The following QKI variants were observed in gnomAD, a reference collection of about 807,000 sequenced individuals.
QKI encodes QKI, KH domain containing RNA binding.
QKI carries 10 observed loss-of-function variants against 39.0 expected under a neutral mutation model. The ratio of observed to expected loss-of-function variants is 0.26; its 90% confidence interval spans 0.16 to 0.43. QKI has a LOEUF of 0.43. Ranked by LOEUF, QKI falls within the 20% of genes least tolerant of loss-of-function variation. The pLI is 1.00. For missense variants in QKI, 218 were observed against 428.0 expected, an observed-to-expected ratio of 0.51 and a Z score of 4.33; for synonymous variants, 204 against 155.4, an observed-to-expected ratio of 1.31 and a Z score of -2.33.
At chr6:163,510,627 A>G (rs1779389802) in intron 3 of QKI, among the ~76,000 whole-genome samples, 1 of 152,178 alleles carries the variant, frequency 6.6e-6, no homozygotes, top group Non-Finnish European at 1.5e-5. Flanking sequence ...ATAGATTGAA[A>G]AGCATATTTT....
chr6:163,508,212 AAT>A (rs1779216320), intron 3 of QKI, among the ~76,000 whole-genome samples: 1 of 152,094 alleles, frequency 6.6e-6, no homozygotes, highest in Non-Finnish European at 1.5e-5. Context: ...ACTGAAAAAA[AAT>A]ACTTGAAGAA....
At chr6:163,513,477 TA>T (rs1314501578) in intron 3 of QKI, among the ~76,000 whole-genome samples, 1 of 152,190 alleles carries the variant, frequency 6.6e-6, no homozygotes, top group Non-Finnish European at 1.5e-5. Flanking sequence ...TTTCTAAACT[TA>T]TTTCGTCCTG....
intron 3 of QKI, among the ~76,000 whole-genome samples, chr6:163,512,224 T>C (rs1779528087): frequency 6.6e-6 from 1 of 152,106 alleles, no homozygotes. Flanking sequence ...AAAGACATAG[T>C]AATATACTCA....
rs540832453 is a variant in QKI, at chr6:163,569,214, T to C, written c.1010-1480T>C. 3 of 961,430 alleles carry C rather than the reference T, an allele frequency of 3.1e-6. No individual in the cohort carries two copies. In the South Asian group the frequency reaches 1.4e-4, roughly 46 times the overall value. 59.6% of individuals were successfully genotyped at this position (961,430 alleles called of 1,614,324 possible). A position where few individuals can be genotyped will look rare whatever the true frequency, so the allele number is the denominator to read the frequency against. On this transcript the variant is annotated intron_variant, in intron 7 of 7. Coordinates refer to ENST00000361752, the MANE Select transcript of QKI (RefSeq NM_006775.3). ...AAATAAAATTCCACTTTTAAGAAAT[T>C]CAGGGAAGATTTGGTCACATTGAAG...
chr6:163,469,557 T>G (rs1792030495), intron 2 of QKI, among the ~76,000 whole-genome samples: 2 of 152,192 alleles, frequency 1.3e-5, no homozygotes, highest in Non-Finnish European at 2.9e-5. Flanking sequence ...GAGCAGAGTT[T>G]CGTTATTCTC....
At chr6:163,557,561 A>G (rs1583218113) in intron 4 of QKI, among the ~76,000 whole-genome samples, 2 of 152,282 alleles carry the variant, frequency 1.3e-5, no homozygotes, top group East Asian at 3.9e-4. Flanking sequence ...GCACAGTGGG[A>G]ATGGTTGACG....
intron 3 of QKI, among the ~76,000 whole-genome samples, chr6:163,490,540 G>T (rs1016807900): frequency 6.6e-6 from 1 of 152,110 alleles, no homozygotes; most frequent in Admixed American, 6.6e-5. Context: ...CTAGACATCA[G>T]AAATAGAATC....
rs569047377 is a variant in QKI, at chr6:163,461,595, C to T, written c.285+6174C>T. On this transcript the variant is annotated intron_variant, in intron 2 of 7. Transcript: ENST00000361752. Reference sequence around the variant, plus strand: ...ACTTATGGATAATTTGATATCTACTCATAGGTGTTCAATCTCCATATCTCT... The same window carrying T: ...ACTTATGGATAATTTGATATCTACTTATAGGTGTTCAATCTCCATATCTCT... 1.5e-4 allele frequency among the ~76,000 whole-genome samples: 23 copies of T among 152,284 alleles called. 1 individual carries two copies. The South Asian group carries it at 4.8e-3, about 32-fold the overall frequency.
chr6:163,564,458 T>C, intron 6 of QKI: 1 of 1,409,014 alleles, frequency 7.1e-7, no homozygotes, highest in Non-Finnish European at 9.2e-7. Flanking sequence ...GATTTTTCAG[T>C]TCTTGTGTTT....
chr6:163,422,351 T>A (rs143531031), intron 1 of QKI, among the ~76,000 whole-genome samples: 1 of 152,348 alleles, frequency 6.6e-6, no homozygotes, highest in East Asian at 1.9e-4. Context: ...ATGAATCGAT[T>A]GTAAGATTTA....
chr6:163,561,733 TAATA>T (rs892227006), intron 4 of QKI, among the ~76,000 whole-genome samples: 1 of 152,242 alleles, frequency 6.6e-6, no homozygotes, highest in Non-Finnish European at 1.5e-5. Flanking sequence ...AGGGGAACTT[TAATA>T]AATCGGTGTA....
In QKI at chr6:163,481,394, C is replaced by G. The variant is rs547740679; in HGVS notation, c.402+2498C>G. On this transcript the variant is annotated intron_variant, in intron 3 of 7. Coordinates refer to ENST00000361752, the MANE Select transcript of QKI (RefSeq NM_006775.3). Reference sequence around the variant, plus strand: ...CTACACTGGTAAACTCAGTGAGAGCCTACCATGGCTATTCTATGGAGTATT... The same window carrying G: ...CTACACTGGTAAACTCAGTGAGAGCGTACCATGGCTATTCTATGGAGTATT... Among the ~76,000 whole-genome samples the G allele has an allele frequency of 6.6e-5, 10 of 152,254 alleles. No individual in the cohort carries two copies. The South Asian group carries it at 2.1e-3, about 32-fold the overall frequency.
In QKI at chr6:163,571,123, T is replaced by G. The variant is rs1562558686; in HGVS notation, c.*413T>G. On this transcript the variant is annotated 3_prime_UTR_variant, in exon 8 of 8. Coordinates refer to ENST00000361752, the MANE Select transcript of QKI (RefSeq NM_006775.3). ...ACTTCTAGGAATCTTTTTCTTCTCA[T>G]AGCGAAGTCAAAGCTCTCTCTGAAT... 1 of 156,610 alleles carries G rather than the reference T, an allele frequency of 6.4e-6. No individual in the cohort carries two copies. Among genetic ancestry groups the G allele is most frequent in the Admixed American group, 6.5e-5 (1 of 15,466 alleles). The allele number at this position is 156,610 out of a possible 1,614,324, so 9.7% of individuals were successfully genotyped here.
chr6:163,516,994 A>G (rs1440380725), intron 3 of QKI, among the ~76,000 whole-genome samples: 1 of 152,106 alleles, frequency 6.6e-6, no homozygotes, highest in Non-Finnish European at 1.5e-5. Flanking sequence ...GTGAAGCTTT[A>G]AAGAAAAGCT....
At chr6:163,452,561 G>T (rs1168214795) in intron 1 of QKI, among the ~76,000 whole-genome samples, 3 of 152,130 alleles carry the variant, frequency 2.0e-5, no homozygotes, top group Admixed American at 2.0e-4. Context: ...TCCAGGCACT[G>T]TTCAAGGACC....
chr6:163,535,046 C>G lies in QKI; in HGVS notation c.467C>G (p.Thr156Ser). The G allele has an allele frequency of 6.2e-7, 1 of 1,612,114 alleles. No individual in the cohort carries two copies. The highest frequency in any genetic ancestry group is 1.7e-4 in the Middle Eastern group (1 of 6,058). ...HLNEDLHVLI[T>S]VEDAQNRAEI... ...AATGAAGATTTACATGTACTAATCA[C>G]TGTGGAAGATGCTCAGAACAGAGCA... Residue 156 changes from threonine (T) to serine (S), a missense_variant, in exon 4 of 8, where the codon ACT (threonine) becomes AGT (serine). Around this residue, in one of 3 missense-constraint regions of QKI, gnomAD observed 61 missense variants for 193.3 expected, o/e 0.32. Transcript: ENST00000361752.
chr6:163,420,154 CTTTT>C (rs35131240), intron 1 of QKI, among the ~76,000 whole-genome samples: 3,282 of 60,846 alleles, frequency 0.054, 110 homozygotes, highest in African/African-American at 0.17. Context: ...CTTTTCTTTT[CTTTT>C]TTTTTTTTTT....
intron 3 of QKI, among the ~76,000 whole-genome samples, chr6:163,533,186 G>A (rs1780975448): frequency 6.6e-6 from 1 of 151,626 alleles, no homozygotes; most frequent in East Asian, 1.9e-4. Flanking sequence ...AGAAAATACT[G>A]TTAGCATTCT....
chr6:163,451,256 A>C (rs1790539969), intron 1 of QKI, among the ~76,000 whole-genome samples: 1 of 152,192 alleles, frequency 6.6e-6, no homozygotes, highest in Admixed American at 6.5e-5. Flanking sequence ...AAACATCATC[A>C]CCTCTTAAAC....
Sources: allele counts gnomAD v4.1 joint callset (sites outside exome capture counted in the v4.1 genomes callset), GRCh38; gene constraint gnomAD v4.1.1; regional missense constraint gnomAD v4.1.1; transcripts MANE v1.5; gene names NCBI Gene and HGNC (gene_info 2026-07-23, HGNC 2026-07-21).